TNFRSF21: variants seen among roughly 807,000 people sequenced by gnomAD.
The protein encoded by TNFRSF21 is TNF receptor superfamily member 21.
Under a neutral mutation model 45.6 loss-of-function variants are expected in TNFRSF21, and 19 were observed. The ratio of observed to expected loss-of-function variants is 0.42; its 90% CI spans 0.29 to 0.61. The LOEUF (loss-of-function observed/expected upper bound fraction) is 0.61. Among genes scored for constraint, TNFRSF21 ranks in the 20% least tolerant of loss-of-function variants. The probability of loss-of-function intolerance (pLI) is 0.23; values close to 1 mark genes in which losing one functional copy is unlikely to be tolerated. For missense variants in TNFRSF21, 737 were observed against 851.5 expected (o/e 0.87, Z 1.67); for synonymous variants, 314 against 335.5 (o/e 0.94, Z 0.70).
chr6:47,284,030 T>C lies in TNFRSF21; in HGVS notation c.1151A>G (p.Asp384Gly). 1 of 1,614,212 alleles carries C rather than the reference T, an allele frequency of 6.2e-7. No individual in the cohort carries two copies. Among genetic ancestry groups the C allele is most frequent in the Non-Finnish European group, 8.5e-7 (1 of 1,180,052 alleles). Residue 384 changes from aspartate (D) to glycine (G), a missense_variant, in exon 3 of 6, where the codon GAT (aspartate) becomes GGT (glycine). Asp to Gly is a moderately conservative substitution (Grantham distance 94). Transcript: ENST00000296861. The part of the protein sequence containing the change: ...SRTLKKGPRQ[D>G]PSAIVEKAGL... ...TGCCTTTTCCACAATGGCACTGGGA[T>C]CCTGCCGGGGCCCCTTTTTCAGAGT...
At chr6:47,240,453 G>A (rs148529380) in intron 4 of TNFRSF21, among the ~76,000 whole-genome samples, 38 of 152,350 alleles carry the variant, frequency 2.5e-4, no homozygotes, top group Middle Eastern at 3.4e-3. Context: ...TGCTAAGGAA[G>A]TTGTATCAGC....
rs115965290 is a variant in TNFRSF21, at chr6:47,260,506, G to A, written c.1244-6985C>T. On this transcript the variant is annotated intron_variant, in intron 3 of 5. Coordinates refer to ENST00000296861, the MANE Select transcript of TNFRSF21 (RefSeq NM_014452.5). ...ATCTGGGGGACAATCCTAATTTGAAGCTCATTTTTTAAAAGCTGAATATCA... is the reference window on the plus strand; with the variant it reads ...ATCTGGGGGACAATCCTAATTTGAAACTCATTTTTTAAAAGCTGAATATCA... Among the ~76,000 whole-genome samples, 300 of 152,292 alleles carry A rather than the reference G, an allele frequency of 2.0e-3. 2 individuals are homozygous for A. The highest frequency in any genetic ancestry group is 6.8e-3 in the African/African-American group (283 of 41,560).
chr6:47,253,208 TA>T (rs777666751), intron 4 of TNFRSF21, 47 bp downstream of exon 4: 47 of 1,589,514 alleles, frequency 3.0e-5, no homozygotes, highest in African/African-American at 4.0e-5. Context: ...ATTTGAAGCA[TA>T]GGGGCAATAG....
intron 1 of TNFRSF21, among the ~76,000 whole-genome samples, chr6:47,301,274 A>G (rs1014092584): frequency 6.6e-6 from 1 of 152,222 alleles, no homozygotes; most frequent in African/African-American, 2.4e-5. Context: ...CAGGACATTG[A>G]GCCAGAAACA....
At chr6:47,304,526 C>A (rs1762912252) in intron 1 of TNFRSF21, among the ~76,000 whole-genome samples, 1 of 152,162 alleles carries the variant, frequency 6.6e-6, no homozygotes, top group African/African-American at 2.4e-5. Context: ...GAAGCTCCCA[C>A]CTATTTGTTC....
chr6:47,293,544 A>C (rs146535066), intron 1 of TNFRSF21, among the ~76,000 whole-genome samples: 1 of 152,186 alleles, frequency 6.6e-6, no homozygotes, highest in African/African-American at 2.4e-5. Context: ...CCAGCCTTTT[A>C]CAGAGAAAGT....
chr6:47,273,087 A>G (rs1762450741), intron 3 of TNFRSF21, among the ~76,000 whole-genome samples: 1 of 152,208 alleles, frequency 6.6e-6, no homozygotes, highest in African/African-American at 2.4e-5. Flanking sequence ...CCAGAAGTAC[A>G]AAGAGGAGCT....
intron 1 of TNFRSF21, among the ~76,000 whole-genome samples, chr6:47,297,973 G>A (rs1209251570): frequency 6.6e-6 from 1 of 152,062 alleles, no homozygotes; most frequent in Non-Finnish European, 1.5e-5. Context: ...AGACTGCACA[G>A]TAAAGAGTTA....
chr6:47,243,242 T>G (rs1312541688), intron 4 of TNFRSF21, among the ~76,000 whole-genome samples: 2 of 152,194 alleles, frequency 1.3e-5, no homozygotes, highest in Non-Finnish European at 2.9e-5. Flanking sequence ...TGGTAACTAC[T>G]GTTACCAAGT....
chr6:47,249,768 T>TA (rs1216980752), intron 4 of TNFRSF21, among the ~76,000 whole-genome samples: 1 of 152,108 alleles, frequency 6.6e-6, no homozygotes, highest in Non-Finnish European at 1.5e-5. Context: ...TGTAAAATGG[T>TA]AAAAAGTACA....
At chr6:47,278,593 CA>C (rs1429711321) in intron 3 of TNFRSF21, among the ~76,000 whole-genome samples, 3 of 152,142 alleles carry the variant, frequency 2.0e-5, no homozygotes, top group Non-Finnish European at 4.4e-5. Flanking sequence ...ATTCCAGGCA[CA>C]GGGGACATAC....
At chr6:47,273,530 T>A (rs939677775) in intron 3 of TNFRSF21, among the ~76,000 whole-genome samples, 1 of 152,128 alleles carries the variant, frequency 6.6e-6, no homozygotes, top group Admixed American at 6.6e-5. Flanking sequence ...TAAGTGCTAT[T>A]GATGACAAAC....
At chr6:47,257,118 G>A (rs776799179) in intron 3 of TNFRSF21, among the ~76,000 whole-genome samples, 1 of 152,016 alleles carries the variant, frequency 6.6e-6, no homozygotes, top group Admixed American at 6.6e-5. Flanking sequence ...GCAAATACAC[G>A]GCCTTTACGA....
In TNFRSF21 at chr6:47,278,569, C is replaced by G. The variant is rs140825962; in HGVS notation, c.1243+5369G>C. Among the ~76,000 whole-genome samples the G allele has an allele frequency of 9.6e-4, 146 of 152,248 alleles. 1 individual carries two copies. The highest frequency in any genetic ancestry group is 3.2e-3 in the African/African-American group (131 of 41,552). On this transcript the variant is annotated intron_variant, in intron 3 of 5. Transcript: ENST00000296861. The stretch of plus-strand genomic sequence containing the variant: ...TGTGCTAGCTCAGCTCTGGACCACC[C>G]CTCCTCAAGCCCTATTCCAGGCACA...
chr6:47,283,021 T>A (rs538740285), intron 3 of TNFRSF21, among the ~76,000 whole-genome samples: 1 of 152,348 alleles, frequency 6.6e-6, no homozygotes, highest in East Asian at 1.9e-4. Context: ...CCAAATGGTA[T>A]AAATATTTGT....
chr6:47,276,618 C>T lies in TNFRSF21; in HGVS notation c.1243+7320G>A, dbSNP rs1358700805. 2.6e-5 allele frequency among the ~76,000 whole-genome samples: 4 copies of T among 152,180 alleles called. No individual in the cohort carries two copies. In the East Asian group the frequency reaches 7.7e-4, roughly 29 times the overall value. On this transcript the variant is annotated intron_variant, in intron 3 of 5. Transcript: ENST00000296861. The stretch of plus-strand genomic sequence containing the variant: ...AAGCTTTGTTGGAACACAGCCACAC[C>T]CATAATTTACATGGTGTCTCTGGCC...
chr6:47,272,653 A>G lies in TNFRSF21; in HGVS notation c.1243+11285T>C, dbSNP rs6909618. 3.9e-3 allele frequency among the ~76,000 whole-genome samples: 590 copies of G among 152,342 alleles called. 5 individuals are homozygous for G. The highest frequency in any genetic ancestry group is 0.014 in the African/African-American group (569 of 41,576). ...ATTCAAAAGCTAGCAGAAGGCAAGA[A>G]AAAAGCAAAATCAGAGCAGAACTGA... On this transcript the variant is annotated intron_variant, in intron 3 of 5. Coordinates refer to ENST00000296861, the MANE Select transcript of TNFRSF21 (RefSeq NM_014452.5).
At chr6:47,271,168 A>G (rs185207778) in intron 3 of TNFRSF21, among the ~76,000 whole-genome samples, 3,263 of 152,226 alleles carry the variant, frequency 0.021, 137 homozygotes, top group African/African-American at 0.075. Flanking sequence ...TACAGAGACC[A>G]CAAAGATACT....
Position 47,305,065 on chromosome 6 carries a change from G to A in TNFRSF21, c.96+4351C>T, listed in dbSNP as rs1762920028. ...TCTTATTCTCAGACTAAGAGCCAAA[G>A]TTACTTCAGGTATTTTAAAGATTTT... On this transcript the variant is annotated intron_variant, in intron 1 of 5. Coordinates refer to ENST00000296861, the MANE Select transcript of TNFRSF21 (RefSeq NM_014452.5). Among the ~76,000 whole-genome samples the A allele has an allele frequency of 2.0e-5, 3 of 152,038 alleles. No individual in the cohort carries two copies. In the South Asian group the frequency reaches 6.2e-4, roughly 32 times the overall value.
Sources: allele counts gnomAD v4.1 joint callset (sites outside exome capture counted in the v4.1 genomes callset), GRCh38; gene constraint gnomAD v4.1.1; transcripts MANE v1.5; gene names NCBI Gene and HGNC (gene_info 2026-07-23, HGNC 2026-07-21).